Variants in SPAST observed in about 807,000 individuals in gnomAD.
SPAST encodes spastic paraplegia 4 (autosomal dominant; spastin).
In SPAST, 30 loss-of-function variants were observed where a neutral mutation model predicts 76.6. That is an observed-to-expected ratio of 0.39 (90% CI 0.29 to 0.53). SPAST has a LOEUF of 0.53. Ranked by LOEUF, SPAST falls within the 20% of genes least tolerant of loss-of-function variation. The pLI is 0.68. For missense variants in SPAST, 717 were observed against 770.5 expected, an observed-to-expected ratio of 0.93 and a Z score of 0.82; for synonymous variants, 305 against 281.0, an observed-to-expected ratio of 1.09 and a Z score of -0.86.
At chr2:32,083,720 ATT>A (rs1558619950) in intron 1 of SPAST, among the ~76,000 whole-genome samples, 7 of 76,386 alleles carry the variant, frequency 9.2e-5, no homozygotes, top group East Asian at 3.9e-4. Flanking sequence ...TACTATATAT[ATT>A]TATATATACT....
At chr2:32,090,974 G>T (rs1648581182) in intron 3 of SPAST, among the ~76,000 whole-genome samples, 1 of 152,010 alleles carries the variant, frequency 6.6e-6, no homozygotes, top group Non-Finnish European at 1.5e-5. Context: ...CTTTAATTCT[G>T]TCATTCTTTC....
intron 1 of SPAST, among the ~76,000 whole-genome samples, chr2:32,078,157 A>AT (rs1433902452): frequency 6.6e-6 from 1 of 151,570 alleles, no homozygotes; most frequent in East Asian, 1.9e-4. Flanking sequence ...CGCCCGGCTA[A>AT]TTTTTTGTAT....
intron 2 of SPAST, among the ~76,000 whole-genome samples, chr2:32,089,026 A>G (rs114807434): frequency 2.6e-5 from 4 of 152,204 alleles, no homozygotes; most frequent in African/African-American, 9.6e-5. Context: ...TAGGTTGGAA[A>G]TCATCATGAG....
intron 4 of SPAST, among the ~76,000 whole-genome samples, chr2:32,110,380 A>T (rs1171906963): frequency 6.7e-6 from 1 of 149,276 alleles, no homozygotes; most frequent in East Asian, 1.9e-4. Context: ...GGCCTCCCAA[A>T]GTGCTGGGAT....
In SPAST at chr2:32,063,939, C is replaced by A. The variant is rs1261214882; in HGVS notation, c.108C>A (p.Ala36=). The change falls in exon 1 of 17, where the codon GCC becomes GCA. Residue 36 remains alanine (A), a synonymous_variant. Coordinates refer to ENST00000315285, the MANE Select transcript of SPAST (RefSeq NM_014946.4). ...PPCLAPAPPA[A]GPAPPPESPH... ...GCCTGGCCCCCGCCCCTCCCGCCGC[C>A]GGGCCGGCCCCTCCGCCCGAGTCGC... 1.2e-6 allele frequency: 2 copies of A among 1,605,192 alleles called. No homozygotes were observed. Among genetic ancestry groups the A allele is most frequent in the Admixed American group, 1.7e-5 (1 of 59,088 alleles).
chr2:32,107,922 C>G (rs955951417), intron 4 of SPAST, among the ~76,000 whole-genome samples: 4 of 152,112 alleles, frequency 2.6e-5, no homozygotes, highest in African/African-American at 9.7e-5. Context: ...TCTTTCACCT[C>G]TCTTGGGAAA....
At chr2:32,078,212 G>C (rs1019837584) in intron 1 of SPAST, among the ~76,000 whole-genome samples, 23 of 152,056 alleles carry the variant, frequency 1.5e-4, no homozygotes, top group African/African-American at 5.5e-4. Flanking sequence ...GGATGGTCTC[G>C]ATCTCCTGAC....
intron 1 of SPAST, among the ~76,000 whole-genome samples, chr2:32,085,735 T>G (rs1034816466): frequency 6.6e-6 from 1 of 152,012 alleles, no homozygotes; most frequent in Non-Finnish European, 1.5e-5. Flanking sequence ...TTGTGTGGTG[T>G]TTATAATAAG....
chr2:32,144,952 C>T lies in SPAST; in HGVS notation c.1632C>T (p.Tyr544=). The T allele has an allele frequency of 2.5e-6, 4 of 1,612,430 alleles. No homozygotes were observed. The highest frequency in any genetic ancestry group is 3.4e-6 in the Non-Finnish European group (4 of 1,178,988). ...LAQLARMTDG[Y]SGSDLTALAK... Reference sequence around the variant, plus strand: ...CCTTCCTCAGAATGACTGATGGATACTCAGGAAGTGACCTAACAGCTTTGG... The same window carrying T: ...CCTTCCTCAGAATGACTGATGGATATTCAGGAAGTGACCTAACAGCTTTGG... Residue 544 remains tyrosine, a synonymous_variant, in exon 15 of 17, where the codon TAC becomes TAT. Coordinates refer to ENST00000315285, the MANE Select transcript of SPAST (RefSeq NM_014946.4).
chr2:32,081,798 A>AC (rs1191940540), intron 1 of SPAST, among the ~76,000 whole-genome samples: 2 of 148,456 alleles, frequency 1.3e-5, no homozygotes, highest in African/African-American at 4.9e-5. Flanking sequence ...AAAAAAAAAA[A>AC]AAAAAAGGAA....
rs1001435390 is a variant in SPAST, at chr2:32,115,550, T to A, written c.871-152T>A. 8 of 576,000 alleles carry A rather than the reference T, an allele frequency of 1.4e-5. No individual in the cohort carries two copies. In the Admixed American group the frequency reaches 1.6e-4, roughly 12 times the overall value. 35.7% of individuals were successfully genotyped at this position (576,000 alleles called of 1,614,324 possible). ...TATAGTTCTCTAGTGAATACAGTTT[T>A]ACCTTCAGGTAAATAAATATACAAT... On this transcript the variant is annotated intron_variant, in intron 5 of 16. Transcript: ENST00000315285.
chr2:32,141,866 A>AAATTATATT lies in SPAST; in HGVS notation c.1494-37_1494-29dup, dbSNP rs1364334606. On this transcript the variant is annotated intron_variant, in intron 12 of 16. Coordinates refer to ENST00000315285, the MANE Select transcript of SPAST (RefSeq NM_014946.4). ...ATTTGCTGTTTCAGCTTTAAATTCA[A>AAATTATATT]AATTATATTTCTAAAAGTGCTGGAT... 3.8e-6 allele frequency: 6 copies of AAATTATATT among 1,566,414 alleles called. No homozygotes were observed. In the Admixed American group the frequency reaches 1.0e-4, roughly 27 times the overall value.
At chr2:32,105,542 T>G (rs919526113) in intron 4 of SPAST, among the ~76,000 whole-genome samples, 5 of 152,180 alleles carry the variant, frequency 3.3e-5, no homozygotes, top group Non-Finnish European at 7.3e-5. Context: ...GCGCTCTGAA[T>G]TTTAGAATTT....
chr2:32,093,920 C>T (rs551626618), intron 3 of SPAST, among the ~76,000 whole-genome samples: 53 of 152,202 alleles, frequency 3.5e-4, no homozygotes, highest in Non-Finnish European at 6.0e-4. Flanking sequence ...CTCTAAGGTT[C>T]ACTATCACTA....
chr2:32,122,542 G>A (rs1427258615), intron 7 of SPAST, among the ~76,000 whole-genome samples: 2 of 151,884 alleles, frequency 1.3e-5, no homozygotes, highest in Admixed American at 6.6e-5. Context: ...GTCTAGTCTC[G>A]AACTCCTGAC....
At chr2:32,093,651 G>T (rs1455964873) in intron 3 of SPAST, among the ~76,000 whole-genome samples, 1 of 152,086 alleles carries the variant, frequency 6.6e-6, no homozygotes, top group African/African-American at 2.4e-5. Context: ...TAAACTCTAT[G>T]GAGGAGGGAT....
chr2:32,150,924 T>C (rs978827535), intron 16 of SPAST, among the ~76,000 whole-genome samples: 1 of 151,608 alleles, frequency 6.6e-6, no homozygotes, highest in Non-Finnish European at 1.5e-5. Context: ...CAGGTTATAT[T>C]GTTACAATAT....
intron 9 of SPAST, among the ~76,000 whole-genome samples, chr2:32,131,709 C>G (rs1233774757): frequency 1.7e-5 from 2 of 118,368 alleles, no homozygotes; most frequent in African/African-American, 6.5e-5. Context: ...GAGTCTTGCT[C>G]TGGAGTGCAG....
chr2:32,077,059 A>G (rs1212143923), intron 1 of SPAST, among the ~76,000 whole-genome samples: 1 of 152,062 alleles, frequency 6.6e-6, no homozygotes, highest in African/African-American at 2.4e-5. Context: ...TATTTTTAGT[A>G]GAGATGGGGT....
Sources: allele counts gnomAD v4.1 joint callset (sites outside exome capture counted in the v4.1 genomes callset), GRCh38; gene constraint gnomAD v4.1.1; transcripts MANE v1.5; gene names NCBI Gene and HGNC (gene_info 2026-07-23, HGNC 2026-07-21).